SAMD12: variants seen among roughly 807,000 people sequenced by gnomAD.
SAMD12 encodes the protein sterile alpha motif domain containing 12.
In SAMD12, 9 loss-of-function variants were observed where a neutral mutation model predicts 15.0. The observed-to-expected ratio is 0.60, with a 90% CI of 0.36 to 1.05. SAMD12 has a LOEUF of 1.05. Among genes scored for constraint, SAMD12 ranks in the 50% least tolerant of loss-of-function variants. The probability of loss-of-function intolerance (pLI) is 0.01; values close to 1 mark genes in which losing one functional copy is unlikely to be tolerated. For missense variants in SAMD12, 230 were observed against 234.2 expected, an observed-to-expected ratio of 0.98 and a Z score of 0.12; for synonymous variants, 86 against 90.1, an observed-to-expected ratio of 0.96 and a Z score of 0.25.
At chr8:118,211,027 G>A (rs1263862475) in intron 4 of SAMD12, among the ~76,000 whole-genome samples, 1 of 152,112 alleles carries the variant, frequency 6.6e-6, no homozygotes, top group African/African-American at 2.4e-5. Flanking sequence ...TGAGAGATTC[G>A]CACACAGAAA....
chr8:118,515,841 G>A (rs1825228912), intron 2 of SAMD12, among the ~76,000 whole-genome samples: 1 of 152,208 alleles, frequency 6.6e-6, no homozygotes, highest in African/African-American at 2.4e-5. Context: ...TACTTTGAAT[G>A]CCTTCACTCA....
chr8:118,576,472 T>C (rs1827156472), intron 2 of SAMD12, among the ~76,000 whole-genome samples: 1 of 152,232 alleles, frequency 6.6e-6, no homozygotes, highest in Non-Finnish European at 1.5e-5. Flanking sequence ...GCATTTCTGC[T>C]GCCATACCTT....
chr8:118,189,117 T>C (rs1819293619), downstream of SAMD12, among the ~76,000 whole-genome samples: 1 of 152,122 alleles, frequency 6.6e-6, no homozygotes, highest in Non-Finnish European at 1.5e-5. Context: ...TTACCATGTC[T>C]GAGGGGTGAA....
intron 1 of SAMD12, among the ~76,000 whole-genome samples, chr8:118,608,049 C>G (rs1828023409): frequency 6.6e-6 from 1 of 152,108 alleles, no homozygotes; most frequent in Non-Finnish European, 1.5e-5. Context: ...TATTTACAAC[C>G]CCTTTGACCT....
At chr8:118,448,637 T>C (rs1822986993) in intron 2 of SAMD12, among the ~76,000 whole-genome samples, 1 of 152,218 alleles carries the variant, frequency 6.6e-6, no homozygotes, top group Non-Finnish European at 1.5e-5. Context: ...AGATTTCTCC[T>C]ATATTGAGCC....
chr8:118,462,699 C>T (rs1301834958), intron 2 of SAMD12, among the ~76,000 whole-genome samples: 5 of 152,266 alleles, frequency 3.3e-5, no homozygotes, highest in Admixed American at 2.6e-4. Context: ...GAAATGAGGA[C>T]CATTCTCAAA....
At chr8:118,315,698 C>A (rs1586504986) in intron 4 of SAMD12, among the ~76,000 whole-genome samples, 1 of 152,226 alleles carries the variant, frequency 6.6e-6, no homozygotes, top group East Asian at 1.9e-4. Flanking sequence ...AAAAAAACTT[C>A]CAGAAGCCTC....
chr8:118,389,304 A>G (rs898961884), intron 3 of SAMD12, among the ~76,000 whole-genome samples: 2 of 152,238 alleles, frequency 1.3e-5, no homozygotes, highest in East Asian at 3.8e-4. Context: ...ACCTCCTTAT[A>G]AAATTATACC....
At chr8:118,400,104 A>G (rs1456532658) in intron 3 of SAMD12, among the ~76,000 whole-genome samples, 1 of 152,268 alleles carries the variant, frequency 6.6e-6, no homozygotes, top group Non-Finnish European at 1.5e-5. Flanking sequence ...CATGTAAATC[A>G]TAAATACCTA....
At chr8:118,500,932 A>G (rs1297956019) in intron 2 of SAMD12, among the ~76,000 whole-genome samples, 1 of 152,234 alleles carries the variant, frequency 6.6e-6, no homozygotes. Context: ...CTAGTACATT[A>G]CAGGGTGTAA....
rs142715937 is a variant in SAMD12, at chr8:118,523,505, A to G, written c.192+57210T>C. On this transcript the variant is annotated intron_variant, in intron 2 of 3. Coordinates refer to ENST00000314727, the MANE Select transcript of SAMD12 (RefSeq NM_207506.3). Reference sequence around the variant, plus strand: ...CTCCCAGGGCTTTGGGAATAAAGCTAAACTTCTTACATGGAATACTTTCCT... The same window carrying G: ...CTCCCAGGGCTTTGGGAATAAAGCTGAACTTCTTACATGGAATACTTTCCT... Among the ~76,000 whole-genome samples, 343 of 152,288 alleles carry G rather than the reference A, an allele frequency of 2.3e-3. 1 individual carries two copies. The highest frequency in any genetic ancestry group is 6.9e-3 in the African/African-American group (285 of 41,568).
chr8:118,440,692 AC>A (rs1822723433), intron 2 of SAMD12, among the ~76,000 whole-genome samples: 42 of 140,740 alleles, frequency 3.0e-4, no homozygotes, highest in Admixed American at 9.1e-4. Context: ...ACACACACAC[AC>A]ACAAACACAC....
At chr8:118,258,692 G>A (rs552123890) in intron 4 of SAMD12, among the ~76,000 whole-genome samples, 1 of 152,230 alleles carries the variant, frequency 6.6e-6, no homozygotes, top group South Asian at 2.1e-4. Context: ...TGAAAGGTCT[G>A]TTTACAAATG....
chr8:118,529,471 G>A, intron 2 of SAMD12, among the ~76,000 whole-genome samples: 1 of 152,152 alleles, frequency 6.6e-6, no homozygotes, highest in East Asian at 1.9e-4. Context: ...GTGAAGTCTG[G>A]GCTTTTGGTA....
chr8:118,618,763 C>A (rs965506370), intron 1 of SAMD12, among the ~76,000 whole-genome samples: 1 of 149,222 alleles, frequency 6.7e-6, no homozygotes. Context: ...GGCGTGAACC[C>A]GGGAGGCGGA....
chr8:118,148,275 G>T, the SAMD12 span, among the ~76,000 whole-genome samples: 1 of 151,144 alleles, frequency 6.6e-6, no homozygotes, highest in Admixed American at 6.6e-5. Flanking sequence ...TGCTGCTCAG[G>T]CTGGTCTCAA....
In SAMD12 at chr8:118,410,449, G is replaced by A. The variant is rs371034542; in HGVS notation, c.322+29383C>T. Among the ~76,000 whole-genome samples the A allele has an allele frequency of 3.9e-5, 6 of 152,180 alleles. No individual in the cohort carries two copies. In the South Asian group the frequency reaches 8.3e-4, roughly 21 times the overall value. ...ATTTCTCTCATCAAGAGTTAGGGACGATATCTCCTGCTTCTTGGATCTGAG... is the reference window on the plus strand; with the variant it reads ...ATTTCTCTCATCAAGAGTTAGGGACAATATCTCCTGCTTCTTGGATCTGAG... On this transcript the variant is annotated intron_variant, in intron 3 of 3. Transcript: ENST00000314727.
intron 4 of SAMD12, among the ~76,000 whole-genome samples, chr8:118,220,439 A>C (rs1435514447): frequency 2.0e-5 from 3 of 152,242 alleles, no homozygotes; most frequent in Non-Finnish European, 4.4e-5. Flanking sequence ...TGATCATTTC[A>C]GTTGCCAGAT....
chr8:118,365,336 T>C (rs62532688), intron 4 of SAMD12, among the ~76,000 whole-genome samples: 10 of 152,192 alleles, frequency 6.6e-5, no homozygotes, highest in African/African-American at 2.4e-4. Context: ...TGTACCTGTG[T>C]GGGTATTTCC....
Sources: gnomAD v4.1 joint callset for allele counts (sites outside exome capture counted in the v4.1 genomes callset) on GRCh38, gnomAD v4.1.1 for gene constraint, MANE v1.5 for transcripts, NCBI Gene and HGNC (gene_info 2026-07-23, HGNC 2026-07-21) for gene names.